Variants in DPYSL2 observed in about 807,000 individuals in gnomAD.
DPYSL2 encodes dihydropyrimidinase-related protein 2.
In DPYSL2, 13 loss-of-function variants were observed where a neutral mutation model predicts 69.9. The observed-to-expected ratio is 0.19, with a 90% CI of 0.12 to 0.30. The LOEUF (loss-of-function observed/expected upper bound fraction) is 0.30. Among genes scored for constraint, DPYSL2 ranks in the 10% least tolerant of loss-of-function variants. DPYSL2 has a pLI of 1.00. For missense variants in DPYSL2, 587 were observed against 918.9 expected (o/e 0.64, Z 4.67); for synonymous variants, 326 against 359.1 (o/e 0.91, Z 1.04).
At chr8:26,577,131 G>T in intron 1 of DPYSL2, 2 of 444,722 alleles carry the variant, frequency 4.5e-6, no homozygotes, top group East Asian at 8.3e-5. Flanking sequence ...TTCCCGGCTC[G>T]GAGTTGGAAG....
At chr8:26,581,666 G>T (rs772158264) in intron 1 of DPYSL2, among the ~76,000 whole-genome samples, 8 of 151,686 alleles carry the variant, frequency 5.3e-5, no homozygotes, top group Non-Finnish European at 1.2e-4. Context: ...GAGCCACCGT[G>T]CCCGGCCCTA....
At chr8:26,616,184 C>A (rs920874125) in intron 3 of DPYSL2, among the ~76,000 whole-genome samples, 3 of 152,198 alleles carry the variant, frequency 2.0e-5, no homozygotes, top group Non-Finnish European at 4.4e-5. Context: ...TGGCTCTGGT[C>A]TTTCCAATAG....
intron 1 of DPYSL2, among the ~76,000 whole-genome samples, chr8:26,549,519 T>A (rs974666945): frequency 6.6e-6 from 1 of 152,064 alleles, no homozygotes; most frequent in Non-Finnish European, 1.5e-5. Context: ...CCATAATGAC[T>A]GCGAATTTCT....
intron 1 of DPYSL2, among the ~76,000 whole-genome samples, chr8:26,523,975 A>G (rs776424764): frequency 7.9e-5 from 12 of 152,272 alleles, no homozygotes; most frequent in African/African-American, 2.9e-4. Context: ...TAATGTTGCT[A>G]TGAACACGGC....
intron 1 of DPYSL2, among the ~76,000 whole-genome samples, chr8:26,563,204 C>T (rs1801100742): frequency 6.6e-6 from 1 of 152,152 alleles, no homozygotes; most frequent in African/African-American, 2.4e-5. Flanking sequence ...TCATGTCTAT[C>T]ACTCTCTCTT....
At chr8:26,590,664 A>G (rs1480648973) in intron 3 of DPYSL2, among the ~76,000 whole-genome samples, 5 of 151,222 alleles carry the variant, frequency 3.3e-5, no homozygotes, top group Non-Finnish European at 7.4e-5. Context: ...CACTGCGTGA[A>G]TCTCGGCCTT....
rs1251062117 is a variant in DPYSL2, at chr8:26,657,053, G to A, written c.*1347G>A. The A allele has an allele frequency of 6.6e-6, 1 of 152,006 alleles. No individual in the cohort carries two copies. Among genetic ancestry groups the A allele is most frequent in the East Asian group, 1.9e-4 (1 of 5,194 alleles). 9.4% of individuals were successfully genotyped at this position (152,006 alleles called of 1,614,324 possible). On this transcript the variant is annotated 3_prime_UTR_variant, in exon 14 of 14. Transcript: ENST00000521913. The stretch of plus-strand genomic sequence containing the variant: ...ACACATGGGAGCTTTTTATTTTCGG[G>A]GAAAAACCGTATTTTTTTCTTGTCC...
At position 26,586,133 on chromosome 8, in the gene DPYSL2, G is replaced by T. The variant is rs1042686393; in HGVS notation, c.628+2150G>T. Among the ~76,000 whole-genome samples the T allele has an allele frequency of 6.6e-6, 1 of 152,110 alleles. No individual in the cohort carries two copies. The highest frequency in any genetic ancestry group is 1.5e-5 in the Non-Finnish European group (1 of 68,018). ...AAAACAAACAAAAAAATTCTCGAGTGAATGGTCAGTGTCATCTATCATTGG... is the reference window on the plus strand; with the variant it reads ...AAAACAAACAAAAAAATTCTCGAGTTAATGGTCAGTGTCATCTATCATTGG... On this transcript the variant is annotated intron_variant, in intron 3 of 13. Coordinates refer to ENST00000521913, the MANE Select transcript of DPYSL2 (RefSeq NM_001197293.3). This position sits in a 1 kb window ranked among gnomAD's most constrained non-coding sequence, Gnocchi z 4.7.
intron 3 of DPYSL2, among the ~76,000 whole-genome samples, chr8:26,622,145 CCTTCCTTCCT>C (rs1563413345): frequency 1.7e-4 from 10 of 57,144 alleles, no homozygotes; most frequent in South Asian, 5.3e-4. Context: ...TTCCTTCCTT[CCTTCCTTCCT>C]TCCCTCTCTC....
Position 26,612,097 on chromosome 8 carries a change from C to G in DPYSL2, c.629-12046C>G, listed in dbSNP as rs181199230. Among the ~76,000 whole-genome samples the G allele has an allele frequency of 2.0e-5, 3 of 152,226 alleles. No homozygotes were observed. The South Asian group carries it at 6.2e-4, about 31-fold the overall frequency. ...TCTGATCTCTCATGTAGGACTCAGT[C>G]CCCCAGTTGGATCTTGGAAGGTAGA... is the stretch of plus-strand genomic sequence containing the variant. On this transcript the variant is annotated intron_variant, in intron 3 of 13. Transcript: ENST00000521913.
intron 3 of DPYSL2, among the ~76,000 whole-genome samples, chr8:26,599,898 AT>A (rs1378006986): frequency 7.2e-5 from 11 of 152,156 alleles, no homozygotes; most frequent in Admixed American, 5.9e-4. Flanking sequence ...AACCCTACCA[AT>A]TATCAGCTGC....
intron 3 of DPYSL2, among the ~76,000 whole-genome samples, chr8:26,622,719 T>A (rs903951440): frequency 5.3e-5 from 8 of 152,172 alleles, no homozygotes; most frequent in Non-Finnish European, 1.2e-4. Context: ...GCCAGGCTGG[T>A]CTCAAACTCT....
chr8:26,633,349 C>G (rs942788898), intron 7 of DPYSL2, among the ~76,000 whole-genome samples: 5 of 152,300 alleles, frequency 3.3e-5, no homozygotes, highest in African/African-American at 1.2e-4. Context: ...TTCACCTGCT[C>G]CTTCCCTTGC....
At chr8:26,637,630 C>T (rs963927322) in intron 8 of DPYSL2, 2 of 152,208 alleles carry the variant, frequency 1.3e-5, no homozygotes, top group African/African-American at 4.8e-5. Flanking sequence ...GGGTAATGTA[C>T]ACACAAGGAT....
At position 26,610,750 on chromosome 8, in the gene DPYSL2, AGG is replaced by A. The variant is rs1802206023; in HGVS notation, c.629-13391_629-13390del. ...ACTTGGAGAAAACTAGTTCTGTACC[AGG>A]GATTATGTTCAGCAGGTTTATCTCC... On this transcript the variant is annotated intron_variant, in intron 3 of 13. Transcript: ENST00000521913. The surrounding 1 kb of genome is among the most constrained non-coding windows in gnomAD (Gnocchi z 4.5). Among the ~76,000 whole-genome samples the A allele has an allele frequency of 6.6e-6, 1 of 152,176 alleles. No homozygotes were observed. Among genetic ancestry groups the A allele is most frequent in the African/African-American group, 2.4e-5 (1 of 41,452 alleles).
intron 1 of DPYSL2, among the ~76,000 whole-genome samples, chr8:26,526,279 G>A (rs1026475760): frequency 1.3e-5 from 2 of 152,132 alleles, no homozygotes; most frequent in African/African-American, 4.8e-5. Flanking sequence ...ATTTTTAGTA[G>A]AGACGGGGTT....
At chr8:26,636,118 T>C (rs1992472) in intron 8 of DPYSL2, among the ~76,000 whole-genome samples, 96,941 of 152,152 alleles carry the variant, frequency 0.64, 32,998 homozygotes, top group Non-Finnish European at 0.76. Context: ...AAATGGTTGC[T>C]GCCTTTCTGT....
intron 1 of DPYSL2, among the ~76,000 whole-genome samples, chr8:26,534,149 G>A (rs116996969): frequency 0.012 from 1,859 of 152,276 alleles, 30 homozygotes; most frequent in Non-Finnish European, 0.016. Flanking sequence ...ACCAGACACC[G>A]TGCTAAGCCA....
chr8:26,631,505 A>G lies in DPYSL2; in HGVS notation c.1006-3275A>G, dbSNP rs561419074. On this transcript the variant is annotated intron_variant, in intron 7 of 13. Transcript: ENST00000521913. ...CATGTGTGGATTACAATTTGAGATG[A>G]GATTTGGGTGGGGACACAGAGCCAA... 7.9e-5 allele frequency among the ~76,000 whole-genome samples: 12 copies of G among 152,308 alleles called. No homozygotes were observed. The South Asian group carries it at 2.5e-3, about 32-fold the overall frequency.
Sources: allele counts gnomAD v4.1 joint callset (sites outside exome capture counted in the v4.1 genomes callset), GRCh38; gene constraint gnomAD v4.1.1; non-coding constraint Gnocchi (gnomAD v3.1); transcripts MANE v1.5; gene names NCBI Gene and HGNC (gene_info 2026-07-23, HGNC 2026-07-21).